The following EAF2 variants were observed in gnomAD, a reference collection of about 807,000 sequenced individuals.
EAF2 encodes the protein ELL-associated factor 2.
Under a neutral mutation model 29.4 loss-of-function variants are expected in EAF2, and 29 were observed. The ratio of observed to expected loss-of-function variants is 0.99; its 90% CI spans 0.73 to 1.35. EAF2 has a LOEUF of 1.35. Ranked by LOEUF, EAF2 falls within the 40% of genes most tolerant of loss-of-function variation. The probability of loss-of-function intolerance (pLI) is 0.00; values close to 1 mark genes in which losing one functional copy is unlikely to be tolerated. For missense variants in EAF2, 292 were observed against 312.0 expected, an observed-to-expected ratio of 0.94 and a Z score of 0.48; for synonymous variants, 103 against 102.5, an observed-to-expected ratio of 1.00 and a Z score of -0.03.
At chr3:121,847,904 C>T (rs1708556854) in intron 2 of EAF2, among the ~76,000 whole-genome samples, 1 of 152,034 alleles carries the variant, frequency 6.6e-6, no homozygotes, top group Non-Finnish European at 1.5e-5. Context: ...TACTTAGTCA[C>T]TGGGATGGTA....
Position 121,857,163 on chromosome 3 carries a change from T to C in EAF2, c.484+7T>C. 6.2e-7 allele frequency: 1 copy of C among 1,605,172 alleles called. No homozygotes were observed. The highest frequency in any genetic ancestry group is 8.5e-7 in the Non-Finnish European group (1 of 1,175,842). ...ATAGATGATATCGAAAGAGGTAAAA[T>C]CTAAGTATATGTAACATCCCTTTAT... On this transcript the variant is annotated splice_region_variant and intron_variant, in intron 4 of 5. Coordinates refer to ENST00000273668, the MANE Select transcript of EAF2 (RefSeq NM_018456.6).
chr3:121,852,942 A>G (rs1708657744), intron 2 of EAF2, among the ~76,000 whole-genome samples: 1 of 152,214 alleles, frequency 6.6e-6, no homozygotes, highest in South Asian at 2.1e-4. Flanking sequence ...TGGAGCAGGG[A>G]CAAAAGATAG....
chr3:121,844,067 G>T (rs1477608804), intron 1 of EAF2, among the ~76,000 whole-genome samples: 2 of 151,926 alleles, frequency 1.3e-5, no homozygotes, highest in Non-Finnish European at 2.9e-5. Flanking sequence ...ACATAAAAAA[G>T]AAAAATTTAT....
intron 2 of EAF2, among the ~76,000 whole-genome samples, chr3:121,848,827 G>A (rs775257700): frequency 3.4e-4 from 52 of 151,770 alleles, no homozygotes; most frequent in Non-Finnish European, 6.2e-4. Context: ...GTGCTTTTCA[G>A]TTTCCTATAG....
chr3:121,866,045 A>G (rs1708920724), intron 4 of EAF2, among the ~76,000 whole-genome samples: 1 of 152,160 alleles, frequency 6.6e-6, no homozygotes, highest in Non-Finnish European at 1.5e-5. Context: ...GCTATGAAGC[A>G]CTTTCCTTTC....
rs1326611092 is a variant in EAF2 at position 121,854,399 on chromosome 3, G to A, written c.202-288G>A. Among the ~76,000 whole-genome samples, 9 of 151,060 alleles carry A rather than the reference G, an allele frequency of 6.0e-5. No individual in the cohort carries two copies. The South Asian group carries it at 6.3e-4, about 10-fold the overall frequency. On this transcript the variant is annotated intron_variant, in intron 2 of 5. Transcript: ENST00000273668. ...TCCATAAAATATATTGGTTGTGTTC[G>A]AATTGAATCTCAATTACTCATTATA...
At chr3:121,854,956 A>G in intron 3 of EAF2, 133 bp downstream of exon 3, 1 of 958,274 alleles carries the variant, frequency 1.0e-6, no homozygotes. Flanking sequence ...ATCTTTTTCT[A>G]AGTTTAAATT....
intron 4 of EAF2, among the ~76,000 whole-genome samples, chr3:121,863,931 A>G (rs1166867200): frequency 6.6e-6 from 1 of 152,150 alleles, no homozygotes; most frequent in Admixed American, 6.5e-5. Flanking sequence ...GATGACTCAA[A>G]TTCAATTCCT....
At chr3:121,856,974 T>C in intron 3 of EAF2, 37 bp from the exon 4 acceptor site, 1 of 1,584,360 alleles carries the variant, frequency 6.3e-7, no homozygotes. Context: ...TACATTGCTG[T>C]CATACCTGTT....
intron 2 of EAF2, among the ~76,000 whole-genome samples, chr3:121,854,434 A>C (rs1708684570): frequency 1.3e-5 from 2 of 152,218 alleles, no homozygotes; most frequent in South Asian, 4.1e-4. Context: ...AGGCCAAAGA[A>C]ACAAATCTTT....
At chr3:121,839,013 A>G (rs1182787975) in intron 1 of EAF2, among the ~76,000 whole-genome samples, 1 of 152,174 alleles carries the variant, frequency 6.6e-6, no homozygotes, top group Non-Finnish European at 1.5e-5. Context: ...GTTCAACCCA[A>G]AATTTTTTTT....
chr3:121,883,897 C>G (rs1324167219), intron 5 of EAF2, among the ~76,000 whole-genome samples: 1 of 152,198 alleles, frequency 6.6e-6, no homozygotes, highest in Non-Finnish European at 1.5e-5. Flanking sequence ...TGAATATTTC[C>G]TAACCTTGAC....
intron 1 of EAF2, among the ~76,000 whole-genome samples, chr3:121,838,385 A>T (rs1254768646): frequency 1.3e-5 from 2 of 152,176 alleles, no homozygotes; most frequent in African/African-American, 2.4e-5. Context: ...AGCATACAGA[A>T]AGTATGAATA....
intron 5 of EAF2, among the ~76,000 whole-genome samples, chr3:121,883,330 G>A (rs1709223131): frequency 6.6e-6 from 1 of 152,118 alleles, no homozygotes; most frequent in African/African-American, 2.4e-5. Context: ...AATACAATGA[G>A]CAGCATTGAT....
chr3:121,883,124 ATG>A (rs1709218712), intron 5 of EAF2, among the ~76,000 whole-genome samples: 1 of 152,176 alleles, frequency 6.6e-6, no homozygotes, highest in Non-Finnish European at 1.5e-5. Context: ...TGAAGTAACC[ATG>A]TTTTTGCAGT....
intron 1 of EAF2, among the ~76,000 whole-genome samples, chr3:121,835,612 C>G (rs145985505): frequency 6.6e-6 from 1 of 151,978 alleles, no homozygotes; most frequent in African/African-American, 2.4e-5. Flanking sequence ...GGACAGAGAG[C>G]GTTGAGACCA....
chr3:121,881,984 T>C (rs34893142), intron 5 of EAF2, among the ~76,000 whole-genome samples: 5,916 of 152,224 alleles, frequency 0.039, 385 homozygotes, highest in African/African-American at 0.13. Flanking sequence ...TAACAGATTA[T>C]AGAAGTAAAC....
At chr3:121,857,187 A>G in intron 4 of EAF2, 31 bp downstream of exon 4, 2 of 1,563,034 alleles carry the variant, frequency 1.3e-6, no homozygotes, top group Non-Finnish European at 1.7e-6. Context: ...ACATCCCTTT[A>G]TAAGAGATAA....
intron 5 of EAF2, among the ~76,000 whole-genome samples, chr3:121,876,224 CA>C: frequency 6.6e-6 from 1 of 151,788 alleles, no homozygotes; most frequent in East Asian, 1.9e-4. Flanking sequence ...ATAGGTAAGC[CA>C]AAAGATAGTG....
Sources: allele counts gnomAD v4.1 joint callset (sites outside exome capture counted in the v4.1 genomes callset), GRCh38; gene constraint gnomAD v4.1.1; transcripts MANE v1.5; gene names NCBI Gene and HGNC (gene_info 2026-07-23, HGNC 2026-07-21).